Variants in ZNF718 observed in about 807,000 individuals in gnomAD.
The protein encoded by ZNF718 is zinc finger protein 718.
A neutral mutation model predicts 2.6 loss-of-function variants in ZNF718; 3 were observed. The ratio of observed to expected loss-of-function variants is 1.16; its 90% CI spans 0.53 to 3.01. ZNF718 has a LOEUF of 3.01. Among genes scored for constraint, ZNF718 ranks in the 30% most tolerant of loss-of-function variants. The probability of loss-of-function intolerance (pLI) is 0.03; values close to 1 mark genes in which losing one functional copy is unlikely to be tolerated. For missense variants in ZNF718, 468 were observed against 230.0 expected (o/e 2.03, Z -6.69); for synonymous variants, 135 against 77.9 (o/e 1.73, Z -3.86).
chr4:173,110 A>G (rs1553818413), intron 3 of ZNF718, among the ~76,000 whole-genome samples: 2 of 152,180 alleles, frequency 1.3e-5, no homozygotes, highest in African/African-American at 4.8e-5. Flanking sequence ...CTGTATTTAT[A>G]CCATATAAAC....
rs146257462 is a variant in ZNF718 at position 193,488 on chromosome 4, C to T, written c.227-7593C>T. 5.9e-5 allele frequency among the ~76,000 whole-genome samples: 9 copies of T among 152,216 alleles called. No individual in the cohort carries two copies. The East Asian group carries it at 1.2e-3, about 20-fold the overall frequency. ...TCCTAATTCTAGTGTATAATGGCCC[C>T]GGCTTTTGCTAGGATGTCTCTCCCT... On this transcript the variant is annotated intron_variant and NMD_transcript_variant, in intron 3 of 4. Coordinates refer to the ZNF718 transcript ENST00000642529.
chr4:159,584 C>G (rs551396226), intron 3 of ZNF718, among the ~76,000 whole-genome samples: 1 of 152,018 alleles, frequency 6.6e-6, no homozygotes, highest in Non-Finnish European at 1.5e-5. Flanking sequence ...TTTTTACATC[C>G]TTTTTTTACT....
chr4:157,432 G>T (rs114893638), intron 3 of ZNF718, among the ~76,000 whole-genome samples: 1,950 of 152,044 alleles, frequency 0.013, 46 homozygotes, highest in African/African-American at 0.045. Flanking sequence ...TTTTCTTATT[G>T]AAGATCGCTT....
chr4:157,734 G>T (rs1716639952), intron 3 of ZNF718, among the ~76,000 whole-genome samples: 2 of 151,968 alleles, frequency 1.3e-5, no homozygotes, highest in African/African-American at 4.8e-5. Flanking sequence ...ATTTGTTGAG[G>T]GTCTTTTTGT....
intron 3 of ZNF718, among the ~76,000 whole-genome samples, chr4:140,511 G>T (rs782709953): frequency 6.6e-6 from 1 of 152,174 alleles, no homozygotes; most frequent in African/African-American, 2.4e-5. Context: ...TGGTTAATGT[G>T]TGATGCCCTC....
At chr4:201,131 C>G (rs1366069997) in exon 4 of ZNF718, 3 of 152,180 alleles carry the variant, frequency 2.0e-5, no homozygotes, top group Non-Finnish European at 2.9e-5. Flanking sequence ...ACACTGAGAG[C>G]AACACACCAC....
chr4:150,888 T>TTG lies in ZNF718; in HGVS notation c.227-10004_227-10003dup, dbSNP rs111894956. On this transcript the variant is annotated intron_variant, in intron 3 of 3. Transcript: ENST00000510175. ...AACATATGACCCAACAATTTGAATT[T>TTG]TGTGTGTGTGTGTGTGTGTGTAGTC... Among the ~76,000 whole-genome samples, 1,204 of 150,222 alleles carry TTG rather than the reference T, an allele frequency of 8.0e-3. 12 individuals carry two copies. The highest frequency in any genetic ancestry group is 0.019 in the African/African-American group (782 of 41,048).
chr4:161,556 G>T lies in ZNF718; in HGVS notation c.871G>T (p.Ala291Ser), dbSNP rs782400820. The change falls in exon 4 of 4, where the codon GCC becomes TCC. Residue 291 changes from alanine to serine, a missense_variant. Transcript: ENST00000510175. ...KYYKCEECGKAFKWSSSLNEH... is the reference protein window; with the variant it reads ...KYYKCEECGKSFKWSSSLNEH... ...CTACAAATGTGAAGAATGTGGTAAA[G>T]CCTTTAAGTGGTCCTCATCCCTTAA... 9.0e-6 allele frequency: 7 copies of T among 780,706 alleles called. No individual in the cohort carries two copies. The Admixed American group carries it at 1.0e-4, about 11-fold the overall frequency. The allele number at this position is 780,706 out of a possible 1,614,324, so 48.4% of individuals were successfully genotyped here. A position where few individuals can be genotyped will look rare whatever the true frequency, so the allele number is the denominator to read the frequency against.
At chr4:171,656 T>C (rs1553818045) in intron 3 of ZNF718, among the ~76,000 whole-genome samples, 1 of 152,164 alleles carries the variant, frequency 6.6e-6, no homozygotes, top group African/African-American at 2.4e-5. Context: ...GCATGGGATA[T>C]AATCTCCTGG....
intron 3 of ZNF718, among the ~76,000 whole-genome samples, chr4:199,396 C>G (rs149186002): frequency 1.3e-5 from 2 of 152,246 alleles, no homozygotes; most frequent in African/African-American, 4.8e-5. Context: ...GCATCCTAAC[C>G]CAGAGAGATG....
At position 162,183 on chromosome 4, in the gene ZNF718, C is replaced by G. The variant is rs141268745; in HGVS notation, c.*61C>G. 5.8e-4 allele frequency: 364 copies of G among 623,190 alleles called. 4 individuals carry two copies. In the African/African-American group the frequency reaches 6.0e-3, roughly 10 times the overall value. 38.6% of individuals were successfully genotyped at this position (623,190 alleles called of 1,614,324 possible). A position where few individuals can be genotyped will look rare whatever the true frequency, so the allele number is the denominator to read the frequency against. ...CAGTCTTTTCTAATCATAATTCATA[C>G]TGGAGAGAAACTCTACACATGAAAA... On this transcript the variant is annotated 3_prime_UTR_variant, in exon 4 of 4. Coordinates refer to ENST00000510175, the MANE Select transcript of ZNF718 (RefSeq NM_001039127.6).
rs1716794916 is a variant in ZNF718, at chr4:160,934, A to G, written c.249A>G (p.Gln83=). The change falls in exon 4 of 4, where the codon CAA becomes CAG. Residue 83 remains glutamine, a synonymous_variant. Coordinates refer to ENST00000510175, the MANE Select transcript of ZNF718 (RefSeq NM_001039127.6). ...RPPAVCSHFT[Q]NLWTVQGIED... Reference sequence around the variant, plus strand: ...CAGCTGTGTGTTCTCATTTCACCCAAAACCTTTGGACAGTGCAGGGCATAG... The same window carrying G: ...CAGCTGTGTGTTCTCATTTCACCCAGAACCTTTGGACAGTGCAGGGCATAG... 1.3e-6 allele frequency: 1 copy of G among 760,700 alleles called. No homozygotes were observed. Among genetic ancestry groups the G allele is most frequent in the South Asian group, 1.4e-5 (1 of 71,092 alleles). The allele number at this position is 760,700 out of a possible 1,614,324, so 47.1% of individuals were successfully genotyped here.
Position 161,775 on chromosome 4 carries a change from GA to G in ZNF718, c.1091del (p.Glu364GlyfsTer75). 1.3e-6 allele frequency: 1 copy of G among 780,626 alleles called. No homozygotes were observed. Among genetic ancestry groups the G allele is most frequent in the Non-Finnish European group, 2.4e-6 (1 of 417,938 alleles). 48.4% of individuals were successfully genotyped at this position (780,626 alleles called of 1,614,324 possible). ...LTTHKRIHTGEKPYTCEECGK... is the reference protein window; with the variant it reads ...LTTHKRIHTGXKPYTCEECGK... ...GACACATAAGAGAATCCATACTGGA[GA>G]GAAACCCTACACATGTGAAGAATGT... On this transcript the variant is annotated frameshift_variant, in exon 4 of 4. Coordinates refer to ENST00000510175, the MANE Select transcript of ZNF718 (RefSeq NM_001039127.6). LOFTEE classifies it low-confidence loss of function (END_TRUNC).
At chr4:141,354 G>A (rs76366530) in intron 3 of ZNF718, among the ~76,000 whole-genome samples, 2 of 152,280 alleles carry the variant, frequency 1.3e-5, no homozygotes, top group Non-Finnish European at 2.9e-5. Flanking sequence ...AATTGGAGAC[G>A]TTTGGCTAAT....
intron 3 of ZNF718, among the ~76,000 whole-genome samples, chr4:137,511 T>A (rs1483515781): frequency 6.6e-6 from 1 of 152,168 alleles, no homozygotes. Context: ...TTGTTGACAT[T>A]TGTTATTTTT....
chr4:177,637 A>C (rs1297571646), intron 3 of ZNF718, among the ~76,000 whole-genome samples: 1 of 152,176 alleles, frequency 6.6e-6, no homozygotes, highest in Non-Finnish European at 1.5e-5. Flanking sequence ...TCTAACAGGA[A>C]TATTAACCTA....
chr4:181,528 A>G (rs1439167838), intron 3 of ZNF718, among the ~76,000 whole-genome samples: 2 of 152,068 alleles, frequency 1.3e-5, no homozygotes, highest in African/African-American at 4.8e-5. Flanking sequence ...TCTCAGTATC[A>G]TTTGTTGAAG....
At chr4:165,523 G>T (rs1717066242), downstream of ZNF718, among the ~76,000 whole-genome samples, 1 of 152,172 alleles carries the variant, frequency 6.6e-6, no homozygotes, top group African/African-American at 2.4e-5. Flanking sequence ...TCTAGGCCGG[G>T]TACAGTGGCT....
chr4:152,182 G>A (rs1367920402), intron 3 of ZNF718, among the ~76,000 whole-genome samples: 2,852 of 146,188 alleles, frequency 0.02, 107 homozygotes, highest in African/African-American at 0.067. Flanking sequence ...GTTTTATACC[G>A]AGACATTCCA....
Sources: gnomAD v4.1 joint callset for allele counts (sites outside exome capture counted in the v4.1 genomes callset) on GRCh38, gnomAD v4.1.1 for gene constraint, MANE v1.5 for transcripts, NCBI Gene and HGNC (gene_info 2026-07-23, HGNC 2026-07-21) for gene names.